Variants in ZNF585B observed in about 807,000 individuals in gnomAD.
ZNF585B encodes the protein zinc finger protein 585B.
In ZNF585B, 7 loss-of-function variants were observed where a neutral mutation model predicts 14.0. That is an observed-to-expected ratio of 0.50 (90% CI 0.28 to 0.94). ZNF585B has a LOEUF of 0.94. ZNF585B is among the 40% of genes least tolerant of loss of function. The pLI is 0.09. For synonymous variants in ZNF585B, 290 were observed against 317.3 expected (o/e 0.91, Z 0.91); for missense variants, 750 against 924.4 (o/e 0.81, Z 2.45).
At chr19:37,206,662 G>C (rs938398823) in intron 2 of ZNF585B, among the ~76,000 whole-genome samples, 25 of 152,106 alleles carry the variant, frequency 1.6e-4, no homozygotes, top group Admixed American at 1.6e-3. Context: ...GTTTCAGAAA[G>C]AAAACAGAGA....
At chr19:37,191,048 T>C (rs1233091762) in intron 2 of ZNF585B, among the ~76,000 whole-genome samples, 1 of 152,326 alleles carries the variant, frequency 6.6e-6, no homozygotes, top group East Asian at 1.9e-4. Flanking sequence ...CTTTTTTTTA[T>C]GTATTTCAAT....
chr19:37,196,707 A>G (rs1275942778), intron 2 of ZNF585B, among the ~76,000 whole-genome samples: 1 of 152,190 alleles, frequency 6.6e-6, no homozygotes, highest in Non-Finnish European at 1.5e-5. Flanking sequence ...CTTAATAAAT[A>G]ATAAATATAT....
rs755457640 is a variant in ZNF585B, at chr19:37,187,132, A to G, written c.405T>C (p.Phe135=). Residue 135 remains phenylalanine (F), a synonymous_variant, in exon 5 of 5, where the codon TTT becomes TTC. Transcript: ENST00000532828. Reference sequence around the variant, plus strand: ...GTGACTTCCAGGTGAAGCTCTTTCCAAATTCAGCACACTCATAGGATTTTT... The same window carrying G: ...GTGACTTCCAGGTGAAGCTCTTTCCGAATTCAGCACACTCATAGGATTTTT... ...SGEKSYECAE[F]GKSFTWKSQF... is the part of the protein sequence containing the mutation. 1.1e-5 allele frequency: 17 copies of G among 1,613,986 alleles called. No homozygotes were observed. The highest frequency in any genetic ancestry group is 1.3e-5 in the Non-Finnish European group (15 of 1,180,022).
chr19:37,188,373 C>T (rs1972362502), intron 4 of ZNF585B, among the ~76,000 whole-genome samples: 1 of 152,218 alleles, frequency 6.6e-6, no homozygotes, highest in Admixed American at 6.5e-5. Context: ...GTAATCCCAG[C>T]TACGTGGGAG....
chr19:37,198,851 G>A (rs1972501078), intron 2 of ZNF585B: 2 of 639,058 alleles, frequency 3.1e-6, no homozygotes, highest in South Asian at 2.5e-5. Context: ...TTCAGGGGAG[G>A]GTATGAGCAT....
At position 37,186,221 on chromosome 19, in the gene ZNF585B, T is replaced by G. The variant is rs1568505965; in HGVS notation, c.1316A>C (p.Lys439Thr). 3.1e-6 allele frequency: 5 copies of G among 1,614,028 alleles called. No homozygotes were observed. Among genetic ancestry groups the G allele is most frequent in the Non-Finnish European group, 3.4e-6 (4 of 1,180,030 alleles). Residue 439 changes from lysine to threonine, a missense_variant, in exon 5 of 5, where the codon AAA becomes ACA. Physicochemically the swap from Lys to Thr is moderately conservative, Grantham distance 78. Around this residue, in one of 2 missense-constraint regions of ZNF585B, gnomAD observed 517 missense variants for 570.3 expected, o/e 0.91. Transcript: ENST00000532828. ...AAACAATTTCCCACAGTGACCACAT[T>G]TATAAGGTTTCTCTCCAGTATGAAT... is the stretch of plus-strand genomic sequence containing the variant. ...QIIHTGEKPY[K>T]CGHCGKLFTS...
At position 37,186,964 on chromosome 19, in the gene ZNF585B, A is replaced by C; in HGVS notation, c.573T>G (p.Cys191Trp). ...MREKPYKCNE[C>W]GKSFFQVSSL... ...ACGATACTTGAAAAAAGGATTTTCC[A>C]CATTCATTGCACTTATAGGGCTTCT... The change falls in exon 5 of 5, where the codon TGT (cysteine) becomes TGG (tryptophan). Residue 191 changes from cysteine to tryptophan, a missense_variant. Coordinates refer to ENST00000532828, the MANE Select transcript of ZNF585B (RefSeq NM_152279.4). 1 of 1,614,194 alleles carries C rather than the reference A, an allele frequency of 6.2e-7. No homozygotes were observed. Among genetic ancestry groups the C allele is most frequent in the South Asian group, 1.1e-5 (1 of 91,082 alleles).
chr19:37,196,917 G>T (rs956497569), intron 2 of ZNF585B, among the ~76,000 whole-genome samples: 2 of 152,140 alleles, frequency 1.3e-5, no homozygotes, highest in African/African-American at 4.8e-5. Context: ...CTGCACAGAG[G>T]TTAGCGCCCC....
At chr19:37,200,187 A>G (rs1489897973) in intron 2 of ZNF585B, among the ~76,000 whole-genome samples, 1 of 152,128 alleles carries the variant, frequency 6.6e-6, no homozygotes, top group Non-Finnish European at 1.5e-5. Flanking sequence ...AGAACTCAGT[A>G]AAGTTTTTTT....
chr19:37,182,294 T>A lies in ZNF585B; in HGVS notation c.*2933A>T, dbSNP rs948783254. ...TTTCCTCCATATTTCCTGGAATTCA[T>A]GAGGAGTGATACACTTAGGAGTAAG... On this transcript the variant is annotated 3_prime_UTR_variant, in exon 5 of 5. Transcript: ENST00000532828. 1 of 152,120 alleles carries A rather than the reference T, an allele frequency of 6.6e-6. No homozygotes were observed. The highest frequency in any genetic ancestry group is 6.6e-5 in the Admixed American group (1 of 15,264). The allele number at this position is 152,120 out of a possible 1,614,324, so 9.4% of individuals were successfully genotyped here.
At chr19:37,192,346 G>A (rs756263158) in intron 2 of ZNF585B, among the ~76,000 whole-genome samples, 10 of 152,082 alleles carry the variant, frequency 6.6e-5, no homozygotes, top group South Asian at 2.1e-4. Flanking sequence ...TTCATAGAGC[G>A]GAAGAATTTA....
In ZNF585B at chr19:37,186,275, C is replaced by T. The variant is rs756197842; in HGVS notation, c.1262G>A (p.Arg421Gln). Residue 421 changes from arginine to glutamine, a missense_variant, in exon 5 of 5, where the codon CGG becomes CAG. Transcript: ENST00000532828. ...TTGATGTGTAATCAAGTGTGCCTTC[C>T]GGATGAAGGCCAGTCCACATTTCAT... ...ICMKCGLAFI[R>Q]KAHLITHQII... is the part of the protein sequence containing the mutation. 3.2e-5 allele frequency: 52 copies of T among 1,613,698 alleles called. No individual in the cohort carries two copies. The highest frequency in any genetic ancestry group is 1.0e-4 in the Admixed American group (6 of 59,986).
intron 2 of ZNF585B, among the ~76,000 whole-genome samples, chr19:37,204,282 T>A (rs1216115907): frequency 6.6e-6 from 1 of 152,240 alleles, no homozygotes; most frequent in Non-Finnish European, 1.5e-5. Flanking sequence ...TATTTTTAAA[T>A]GAGGACAAAA....
rs540558894 is a variant in ZNF585B, at chr19:37,189,641, A to G, written c.292+20T>C. ...CTGTCTCCCATCTAACCTGAGTCAC[A>G]TTCACCTCACTTCACTCACCTGGGC... On this transcript the variant is annotated intron_variant, in intron 4 of 4. Coordinates refer to ENST00000532828, the MANE Select transcript of ZNF585B (RefSeq NM_152279.4). 2.5e-6 allele frequency: 4 copies of G among 1,612,248 alleles called. No individual in the cohort carries two copies. In the East Asian group the frequency reaches 8.9e-5, roughly 36 times the overall value.
chr19:37,185,375 G>A lies in ZNF585B; in HGVS notation c.2162C>T (p.Ala721Val), dbSNP rs1972320944. Residue 721 changes from alanine (A) to valine (V), a missense_variant, in exon 5 of 5, where the codon GCT becomes GTT. Physicochemically the swap from Ala to Val is moderately conservative, Grantham distance 64 (BLOSUM62 0). This residue lies in a region of ZNF585B where 233 missense variants were observed against 354.1 expected (regional missense o/e 0.66). Transcript: ENST00000532828. The part of the protein sequence containing the change: ...IHTGEKPYVC[A>V]ECGKAFSNRS... The stretch of plus-strand genomic sequence containing the variant: ...GTTGCTAAAGGCCTTCCCACACTCA[G>A]CACACACGTAAGGCTTCTCTCCAGT... 4.3e-6 allele frequency: 7 copies of A among 1,614,072 alleles called. No individual in the cohort carries two copies. Among genetic ancestry groups the A allele is most frequent in the Non-Finnish European group, 5.9e-6 (7 of 1,180,024 alleles).
Position 37,182,641 on chromosome 19 carries a change from ATG to A in ZNF585B, c.*2584_*2585del, listed in dbSNP as rs1204516466. The A allele has an allele frequency of 6.6e-6, 1 of 152,170 alleles. No individual in the cohort carries two copies. Among genetic ancestry groups the A allele is most frequent in the Non-Finnish European group, 1.5e-5 (1 of 68,056 alleles). 9.4% of individuals were successfully genotyped at this position (152,170 alleles called of 1,614,324 possible). On this transcript the variant is annotated 3_prime_UTR_variant, in exon 5 of 5. Transcript: ENST00000532828. ...CATTGATCTAAGGTGAGGTAATGGGATGTGTCACCAAGCACTGCCCAACTAGG... is the reference window on the plus strand; with the variant it reads ...CATTGATCTAAGGTGAGGTAATGGGATGTCACCAAGCACTGCCCAACTAGG...
rs1972305690 is a variant in ZNF585B, at chr19:37,184,480, G to GAAAGAAAGA, written c.*738_*746dup. The GAAAGAAAGA allele has an allele frequency of 8.6e-6, 1 of 116,248 alleles. No homozygotes were observed. Among genetic ancestry groups the GAAAGAAAGA allele is most frequent in the Non-Finnish European group, 1.8e-5 (1 of 55,406 alleles). The allele number at this position is 116,248 out of a possible 1,614,324, so 7.2% of individuals were successfully genotyped here. ...AGAAAGAAAGAAAGAAAGAAAGAAA[G>GAAAGAAAGA]AAAGAAAGAAAGAAAGAAAGAAAGA... On this transcript the variant is annotated 3_prime_UTR_variant, in exon 5 of 5. Coordinates refer to ENST00000532828, the MANE Select transcript of ZNF585B (RefSeq NM_152279.4).
chr19:37,194,638 T>C (rs1269275494), intron 2 of ZNF585B, among the ~76,000 whole-genome samples: 1 of 152,038 alleles, frequency 6.6e-6, no homozygotes, highest in Non-Finnish European at 1.5e-5. Flanking sequence ...AAACAAAGTA[T>C]ACTAGGGACT....
rs759698391 is a variant in ZNF585B at position 37,190,098 on chromosome 19, C to T, written c.125G>A (p.Arg42Gln). The change falls in exon 3 of 5, where the codon CGG becomes CAG. Residue 42 changes from arginine to glutamine, a missense_variant. This residue lies in a region of ZNF585B where 517 missense variants were observed against 570.3 expected (regional missense o/e 0.91). Transcript: ENST00000532828. ...GTTTCTCTGAGAAAGGTCCAGGTGCCGCCATTCCTCTCTGCTGAAATCGAT... is the reference window on the plus strand; with the variant it reads ...GTTTCTCTGAGAAAGGTCCAGGTGCTGCCATTCCTCTCTGCTGAAATCGAT... ...VAIDFSREEW[R>Q]HLDLSQRNLY... 18 of 1,613,988 alleles carry T rather than the reference C, an allele frequency of 1.1e-5. No homozygotes were observed. In the Admixed American group the frequency reaches 2.3e-4, roughly 21 times the overall value.
Sources: allele counts gnomAD v4.1 joint callset (sites outside exome capture counted in the v4.1 genomes callset), GRCh38; gene constraint gnomAD v4.1.1; regional missense constraint gnomAD v4.1.1; transcripts MANE v1.5; gene names NCBI Gene and HGNC (gene_info 2026-07-23, HGNC 2026-07-21).